The following RAD54B variants were observed in gnomAD, a reference collection of about 807,000 sequenced individuals.
RAD54B encodes RAD54 homolog B, also known as DNA repair and recombination protein RAD54B.
A neutral mutation model predicts 95.8 loss-of-function variants in RAD54B; 78 were observed. That is an observed-to-expected ratio of 0.81 (90% CI 0.68 to 0.98). The LOEUF is 0.98. RAD54B is among the 50% of genes least tolerant of loss of function. The probability of loss-of-function intolerance (pLI) is 0.00; values close to 1 mark genes in which losing one functional copy is unlikely to be tolerated. For synonymous variants in RAD54B, 328 were observed against 354.9 expected (o/e 0.92, Z 0.85); for missense variants, 957 against 1,056.6 (o/e 0.91, Z 1.31).
At chr8:94,448,694 T>TG (rs1554609363) in intron 3 of RAD54B, among the ~76,000 whole-genome samples, 4 of 138,330 alleles carry the variant, frequency 2.9e-5, no homozygotes, top group African/African-American at 1.1e-4. Flanking sequence ...AATGTTACTT[T>TG]AAAAAAAAAA....
chr8:94,383,863 A>G (rs1810802370), intron 11 of RAD54B, among the ~76,000 whole-genome samples: 1 of 152,228 alleles, frequency 6.6e-6, no homozygotes, highest in Non-Finnish European at 1.5e-5. Flanking sequence ...ATTATCAAAA[A>G]AATAGAAAGT....
intron 3 of RAD54B, chr8:94,432,417 G>T (rs1023217179): frequency 9.0e-6 from 14 of 1,550,292 alleles, no homozygotes; most frequent in African/African-American, 4.1e-5. Context: ...AGATGGAGAC[G>T]ATGTCATTCT....
intron 11 of RAD54B, among the ~76,000 whole-genome samples, chr8:94,385,331 T>C (rs1293241163): frequency 7.6e-6 from 1 of 132,352 alleles, no homozygotes; most frequent in Non-Finnish European, 1.6e-5. Flanking sequence ...CAGCCACCTA[T>C]CCCGCCCACC....
intron 12 of RAD54B, 50 bp from the exon 13 acceptor site, chr8:94,378,684 C>T: frequency 8.0e-7 from 1 of 1,254,972 alleles, no homozygotes. Flanking sequence ...ACTAATGGCC[C>T]CTTCCACACA....
At chr8:94,387,633 C>T (rs1298651626) in intron 10 of RAD54B, among the ~76,000 whole-genome samples, 3 of 152,126 alleles carry the variant, frequency 2.0e-5, no homozygotes, top group Non-Finnish European at 4.4e-5. Flanking sequence ...CAAGCACTAT[C>T]GTTTACTTAA....
At chr8:94,383,177 C>T (rs546739690) in intron 11 of RAD54B, among the ~76,000 whole-genome samples, 13 of 150,198 alleles carry the variant, frequency 8.7e-5, no homozygotes, top group Non-Finnish European at 1.8e-4. Flanking sequence ...TTCAGCTACT[C>T]GAGAGGCCAA....
At chr8:94,441,156 G>A (rs1182065606) in intron 3 of RAD54B, among the ~76,000 whole-genome samples, 1 of 152,174 alleles carries the variant, frequency 6.6e-6, no homozygotes, top group Non-Finnish European at 1.5e-5. Context: ...CCTTTCATGT[G>A]AAATCTTTAG....
chr8:94,452,576 G>A (rs1812686085), intron 3 of RAD54B, among the ~76,000 whole-genome samples: 1 of 152,020 alleles, frequency 6.6e-6, no homozygotes, highest in Non-Finnish European at 1.5e-5. Flanking sequence ...TCAGCTCACT[G>A]CAAGCTCCGC....
intron 11 of RAD54B, among the ~76,000 whole-genome samples, chr8:94,384,881 T>C (rs551006424): frequency 2.6e-5 from 4 of 152,294 alleles, no homozygotes; most frequent in South Asian, 2.1e-4. Flanking sequence ...GGTACGCAGA[T>C]TGCTTGAACT....
intron 14 of RAD54B, among the ~76,000 whole-genome samples, chr8:94,377,792 C>G (rs937199419): frequency 6.8e-6 from 1 of 147,518 alleles, no homozygotes; most frequent in African/African-American, 2.5e-5. Flanking sequence ...CTGGCTAACA[C>G]GGTGAAACCC....
At chr8:94,420,384 TAGCTGGG>T (rs2130066725) in intron 3 of RAD54B, among the ~76,000 whole-genome samples, 1 of 150,662 alleles carries the variant, frequency 6.6e-6, no homozygotes, top group South Asian at 2.1e-4. Flanking sequence ...GCATCCTGAG[TAGCTGGG>T]ACTACAGGCA....
At chr8:94,390,155 T>C (rs980379378) in intron 10 of RAD54B, among the ~76,000 whole-genome samples, 31 of 150,788 alleles carry the variant, frequency 2.1e-4, no homozygotes, top group African/African-American at 4.1e-4. Context: ...GCCTGGGCAA[T>C]AGAGTGAGAC....
chr8:94,388,132 T>A (rs1239287420), intron 10 of RAD54B, among the ~76,000 whole-genome samples: 1 of 152,216 alleles, frequency 6.6e-6, no homozygotes, highest in Non-Finnish European at 1.5e-5. Context: ...GTTAATGATA[T>A]GCAGTTGACC....
At chr8:94,458,162 C>A in intron 3 of RAD54B, 106 bp downstream of exon 3, 1 of 1,071,748 alleles carries the variant, frequency 9.3e-7, no homozygotes. Flanking sequence ...AGTGGTATTA[C>A]ATCAACAATT....
chr8:94,436,381 T>C (rs1812261284), intron 3 of RAD54B: 1 of 1,299,498 alleles, frequency 7.7e-7, no homozygotes, highest in Non-Finnish European at 1.0e-6. Context: ...AAAGACACTA[T>C]TCATTGCTCC....
intron 9 of RAD54B, 27 bp from the exon 10 acceptor site, chr8:94,391,926 A>T (rs1811033820): frequency 4.5e-6 from 7 of 1,561,378 alleles, no homozygotes; most frequent in Non-Finnish European, 6.1e-6. Context: ...GACTTAAATG[A>T]AAGTGTTATA....
intron 3 of RAD54B, among the ~76,000 whole-genome samples, chr8:94,415,636 T>C (rs1373712908): frequency 7.1e-6 from 1 of 140,486 alleles, no homozygotes; most frequent in African/African-American, 2.6e-5. Flanking sequence ...AGGGCTAATA[T>C]CCAGAATCTA....
chr8:94,437,538 T>C (rs1812297139), intron 3 of RAD54B, among the ~76,000 whole-genome samples: 1 of 152,226 alleles, frequency 6.6e-6, no homozygotes, highest in Non-Finnish European at 1.5e-5. Flanking sequence ...ACAGTCTACA[T>C]TAGCCTCTGC....
intron 3 of RAD54B, among the ~76,000 whole-genome samples, chr8:94,454,038 G>A (rs1466330419): frequency 2.0e-5 from 3 of 151,852 alleles, no homozygotes; most frequent in African/African-American, 4.8e-5. Flanking sequence ...TCATCCACCC[G>A]CCTCAGCCTC....
Sources: allele counts gnomAD v4.1 joint callset (sites outside exome capture counted in the v4.1 genomes callset), GRCh38; gene constraint gnomAD v4.1.1; transcripts MANE v1.5; gene names NCBI Gene and HGNC (gene_info 2026-07-23, HGNC 2026-07-21).